LAMA4: variants seen among roughly 807,000 people sequenced by gnomAD.
The protein encoded by LAMA4 is laminin subunit alpha-4.
In LAMA4, 127 loss-of-function variants were observed where a neutral mutation model predicts 207.1. That is an observed-to-expected ratio of 0.61 (90% confidence interval 0.53 to 0.71). The LOEUF (loss-of-function observed/expected upper bound fraction) is 0.71. LAMA4 is among the 30% of genes least tolerant of loss of function. The probability of loss-of-function intolerance (pLI) is 0.00; values close to 1 mark genes in which losing one functional copy is unlikely to be tolerated. For synonymous variants in LAMA4, 761 were observed against 816.0 expected (o/e 0.93, Z 1.15); for missense variants, 2,093 against 2,246.5 (o/e 0.93, Z 1.38).
intron 38 of LAMA4, among the ~76,000 whole-genome samples, chr6:112,111,025 C>T (rs1414299759): frequency 6.6e-6 from 1 of 152,132 alleles, no homozygotes; most frequent in African/African-American, 2.4e-5. Flanking sequence ...GCTACATTAA[C>T]AAAACCTTTT....
intron 2 of LAMA4, among the ~76,000 whole-genome samples, chr6:112,233,751 T>C (rs782767034): frequency 9.9e-5 from 15 of 152,226 alleles, no homozygotes; most frequent in Non-Finnish European, 1.9e-4. Context: ...ACTTATATTC[T>C]GTCTGTTGTT....
rs12208872 is a variant in LAMA4 at position 112,108,977 on chromosome 6, A to G, written c.*460T>C. 0.25 allele frequency: 43,968 copies of G among 178,152 alleles called. 5,574 individuals are homozygous for G. Among genetic ancestry groups the G allele is most frequent in the East Asian group, 0.32 (2,178 of 6,772 alleles). The allele number at this position is 178,152 out of a possible 1,614,324, so 11.0% of individuals were successfully genotyped here. ...CAAAAGGGCTAAAAACAAATCTATC[A>G]TCTAATTTAGATTATATGTAAGTTA... On this transcript the variant is annotated 3_prime_UTR_variant, in exon 39 of 39. Transcript: ENST00000230538.
intron 2 of LAMA4, among the ~76,000 whole-genome samples, chr6:112,241,116 A>AATATATATGAATATAT (rs1562101768): frequency 3.8e-5 from 4 of 105,270 alleles, no homozygotes; most frequent in African/African-American, 1.2e-4. Flanking sequence ...TATATATATG[A>AATATATATGAATATAT]ATATATATAT....
chr6:112,208,293 G>C (rs191675068), intron 3 of LAMA4, among the ~76,000 whole-genome samples: 149 of 152,280 alleles, frequency 9.8e-4, no homozygotes, highest in Non-Finnish European at 1.7e-3. Flanking sequence ...AAGCAAGATG[G>C]AGTAGCAGTA....
At chr6:112,208,540 C>G (rs1325301735) in intron 3 of LAMA4, among the ~76,000 whole-genome samples, 11 of 152,068 alleles carry the variant, frequency 7.2e-5, no homozygotes, top group Admixed American at 6.6e-4. Context: ...TAGTAGGTGT[C>G]AAAAGTGAGA....
At chr6:112,250,442 T>G (rs1447010435) in intron 2 of LAMA4, among the ~76,000 whole-genome samples, 1 of 152,176 alleles carries the variant, frequency 6.6e-6, no homozygotes, top group Non-Finnish European at 1.5e-5. Flanking sequence ...TTTTCCAGTG[T>G]AAGGTATGTT....
chr6:112,148,156 C>A lies in LAMA4; in HGVS notation c.2353+1G>T. 1 of 1,612,762 alleles carries A rather than the reference C, an allele frequency of 6.2e-7. No individual in the cohort carries two copies. ...CAAATTGTGAAATTTCTAAGTGATA[C>A]CTGCATCCCTAGCAGAGTTCACTGC... On this transcript the variant is annotated splice_donor_variant, in intron 18 of 38. Transcript: ENST00000230538. LOFTEE classifies it high-confidence loss of function.
chr6:112,243,992 AT>A (rs1381157869), intron 2 of LAMA4, among the ~76,000 whole-genome samples: 23 of 152,220 alleles, frequency 1.5e-4, no homozygotes, highest in Admixed American at 1.5e-3. Flanking sequence ...TGGGAGGCGG[AT>A]GTGGCAGTGA....
At chr6:112,133,287 C>G (rs1779148659) in intron 27 of LAMA4, 62 bp downstream of exon 27, 2 of 1,569,230 alleles carry the variant, frequency 1.3e-6, no homozygotes, top group African/African-American at 1.4e-5. Context: ...AAGAACTTTT[C>G]CAGCTTTTGA....
In LAMA4 at chr6:112,254,028, C is replaced by T. The variant is rs782419664; in HGVS notation, c.123G>A (p.Ala41=). Reference sequence around the variant, plus strand: ...TCTCAGGCGGGTCTTGCCTGCCAACCGCTGAGCTCCCTTCAATGTCAAAAG... The same window carrying T: ...TCTCAGGCGGGTCTTGCCTGCCAACTGCTGAGCTCCCTTCAATGTCAAAAG... ...AFPFDIEGSS[A]VGRQDPPETS... Residue 41 remains alanine, a synonymous_variant, in exon 2 of 39, where the codon GCG becomes GCA. Coordinates refer to ENST00000230538, the MANE Select transcript of LAMA4 (RefSeq NM_001105206.3). The T allele has an allele frequency of 2.0e-5, 32 of 1,593,444 alleles. No individual in the cohort carries two copies. Among genetic ancestry groups the T allele is most frequent in the Non-Finnish European group, 2.5e-5 (29 of 1,169,714 alleles).
At chr6:112,109,676 T>C in intron 38 of LAMA4, 94 bp from the exon 39 acceptor site, 1 of 1,233,032 alleles carries the variant, frequency 8.1e-7, no homozygotes, top group Non-Finnish European at 1.2e-6. Context: ...TTTGCTCATA[T>C]CATCAATATG....
chr6:112,132,797 G>T lies in LAMA4; in HGVS notation c.3790C>A (p.Arg1264=). 1 of 1,612,950 alleles carries T rather than the reference G, an allele frequency of 6.2e-7. No individual in the cohort carries two copies. The change falls in exon 28 of 39, where the codon CGA becomes AGA. Residue 1264 remains arginine, a synonymous_variant. Coordinates refer to ENST00000230538, the MANE Select transcript of LAMA4 (RefSeq NM_001105206.3). ...FDGFEGGFNF[R]TLQPNGLLFY... ...AGTAACCCATTTGGTTGTAATGTTC[G>T]GAAATTAAAACCTCCTTCAAAGCCA...
intron 28 of LAMA4, among the ~76,000 whole-genome samples, chr6:112,131,633 C>T (rs958182769): frequency 2.6e-5 from 4 of 152,082 alleles, no homozygotes; most frequent in African/African-American, 9.7e-5. Flanking sequence ...TATATGGGCA[C>T]CAACTTCTTA....
At chr6:112,227,527 C>T (rs1447809467) in intron 2 of LAMA4, among the ~76,000 whole-genome samples, 3 of 152,114 alleles carry the variant, frequency 2.0e-5, no homozygotes, top group Admixed American at 6.6e-5. Flanking sequence ...TGTCTATACC[C>T]GGTGAGATCT....
chr6:112,165,328 G>A (rs1554339649), intron 12 of LAMA4, 52 bp from the exon 13 acceptor site: 1 of 1,184,634 alleles, frequency 8.4e-7, no homozygotes, highest in South Asian at 1.2e-5. Flanking sequence ...TTTAGGGAAA[G>A]CGTTGGGGAG....
chr6:112,221,871 C>A (rs948374413), intron 2 of LAMA4, among the ~76,000 whole-genome samples: 3 of 152,094 alleles, frequency 2.0e-5, no homozygotes, highest in Non-Finnish European at 4.4e-5. Flanking sequence ...ATATTCCACC[C>A]TTTTCTAAGG....
intron 25 of LAMA4, 152 bp downstream of exon 25, chr6:112,135,971 T>C: frequency 1.5e-6 from 1 of 672,172 alleles, no homozygotes; most frequent in Admixed American, 2.3e-5. Flanking sequence ...TTTCCTAGGG[T>C]TGAGAAGATG....
chr6:112,211,289 A>G (rs1554356517), intron 3 of LAMA4, among the ~76,000 whole-genome samples: 1 of 152,240 alleles, frequency 6.6e-6, no homozygotes, highest in Non-Finnish European at 1.5e-5. Context: ...CTCAGTTTCT[A>G]GCATAAGACA....
Position 112,191,828 on chromosome 6 carries a change from T to C in LAMA4, c.526A>G (p.Asn176Asp), listed in dbSNP as rs782522313. The C allele has an allele frequency of 1.2e-6, 2 of 1,613,844 alleles. No individual in the cohort carries two copies. The highest frequency in any genetic ancestry group is 1.7e-6 in the Non-Finnish European group (2 of 1,179,776). ...CERCAPGYYG[N>D]PLLIGSTCKK... ...CAGGTGCTTCCAATGAGTAAGGGGT[T>C]TCCATAGTAACCGGGAGCACATCTG... is the stretch of plus-strand genomic sequence containing the variant. Residue 176 changes from asparagine to aspartate, a missense_variant, in exon 6 of 39, where the codon AAC (asparagine) becomes GAC (aspartate). By Grantham distance (23) the Asn-to-Asp change is conservative. This residue lies in a region of LAMA4 where 1,704 missense variants were observed against 1,788.4 expected (regional missense o/e 0.95). Transcript: ENST00000230538.
Sources: gnomAD v4.1 joint callset for allele counts (sites outside exome capture counted in the v4.1 genomes callset) on GRCh38, gnomAD v4.1.1 for gene constraint, gnomAD v4.1.1 regional missense constraint, MANE v1.5 for transcripts, NCBI Gene and HGNC (gene_info 2026-07-23, HGNC 2026-07-21) for gene names.